ACBD3: variants seen among roughly 807,000 people sequenced by gnomAD.
The protein encoded by ACBD3 is Golgi resident protein GCP60.
Under a neutral mutation model 66.9 loss-of-function variants are expected in ACBD3, and 30 were observed. The ratio of observed to expected loss-of-function variants is 0.45; its 90% CI spans 0.34 to 0.61. ACBD3 has a LOEUF of 0.61. Among genes scored for constraint, ACBD3 ranks in the 20% least tolerant of loss-of-function variants. The pLI, the probability that ACBD3 is intolerant of heterozygous loss-of-function variation, is 0.02. For synonymous variants in ACBD3, 278 were observed against 259.8 expected (o/e 1.07, Z -0.68); for missense variants, 544 against 664.5 (o/e 0.82, Z 1.99).
At chr1:226,163,112 C>T (rs189774101) in intron 3 of ACBD3, among the ~76,000 whole-genome samples, 109 of 152,206 alleles carry the variant, frequency 7.2e-4, no homozygotes, top group Middle Eastern at 3.4e-3. Context: ...CCACTGCACC[C>T]GGCCATGACC....
intron 1 of ACBD3, among the ~76,000 whole-genome samples, chr1:226,169,143 G>A (rs1257252581): frequency 3.9e-5 from 6 of 152,140 alleles, no homozygotes; most frequent in Non-Finnish European, 5.9e-5. Flanking sequence ...GATTACAGGC[G>A]TGAGCCACTG....
chr1:226,154,768 C>A lies in ACBD3; in HGVS notation c.969G>T (p.Val323=). Residue 323 remains valine (V), a synonymous_variant, in exon 6 of 8, where the codon GTG becomes GTT. Coordinates refer to ENST00000366812, the MANE Select transcript of ACBD3 (RefSeq NM_022735.4). The part of the protein sequence containing the change: ...AGSSLPTSSK[V]NATVPSNMMS... ...TCATATTACTTGGTACAGTTGCATTCACTTTTGATGATGTAGGCAAGGAAG... is the reference window on the plus strand; with the variant it reads ...TCATATTACTTGGTACAGTTGCATTAACTTTTGATGATGTAGGCAAGGAAG... The A allele has an allele frequency of 6.2e-7, 1 of 1,613,542 alleles. No individual in the cohort carries two copies. The highest frequency in any genetic ancestry group is 8.5e-7 in the Non-Finnish European group (1 of 1,179,710).
Position 226,165,920 on chromosome 1 carries a change from G to C in ACBD3, c.367C>G (p.Pro123Ala). 1 of 1,613,480 alleles carries C rather than the reference G, an allele frequency of 6.2e-7. No homozygotes were observed. Among genetic ancestry groups the C allele is most frequent in the African/African-American group, 1.3e-5 (1 of 74,956 alleles). Residue 123 changes from proline (P) to alanine (A), a missense_variant, in exon 2 of 8, where the codon CCA (proline) becomes GCA (alanine). By Grantham distance (27) the Pro-to-Ala change is conservative (BLOSUM62 -1). Transcript: ENST00000366812. ...VALHKQVLMGPYNPDTCPEVG... is the reference protein window; with the variant it reads ...VALHKQVLMGAYNPDTCPEVG... ...TCAGGACAAGTGTCTGGATTATATG[G>C]GCCCATAAGAACTTGCTTATGCAGT...
chr1:226,180,961 T>C (rs1367218536), intron 1 of ACBD3, among the ~76,000 whole-genome samples: 1 of 148,622 alleles, frequency 6.7e-6, no homozygotes, highest in Admixed American at 6.8e-5. Context: ...ATCGCGCCAT[T>C]GCACTCCAGC....
At chr1:226,169,237 AG>A (rs201740484) in intron 1 of ACBD3, among the ~76,000 whole-genome samples, 21,023 of 151,066 alleles carry the variant, frequency 0.14, 1,629 homozygotes, top group Middle Eastern at 0.22. Flanking sequence ...TGATTTAGAG[AG>A]TTTTTTTTTA....
rs533244731 is a variant in ACBD3, at chr1:226,158,382, T to C, written c.903+802A>G. ...AGGTATTTTATGCCTGCACAAGATGTAAAAAATGAATGTAAAATTAGTGTC... is the reference window on the plus strand; with the variant it reads ...AGGTATTTTATGCCTGCACAAGATGCAAAAAATGAATGTAAAATTAGTGTC... On this transcript the variant is annotated intron_variant, in intron 5 of 7. Transcript: ENST00000366812. Among the ~76,000 whole-genome samples the C allele has an allele frequency of 1.4e-4, 21 of 152,276 alleles. No homozygotes were observed. The South Asian group carries it at 3.7e-3, about 27-fold the overall frequency.
At chr1:226,147,931 T>G (rs1358545546) in intron 7 of ACBD3, 2 of 152,182 alleles carry the variant, frequency 1.3e-5, no homozygotes, top group Admixed American at 6.6e-5. Context: ...GGTTTATGGT[T>G]GTTGTTTTTG....
At chr1:226,184,858 G>GT (rs1656256948) in intron 1 of ACBD3, among the ~76,000 whole-genome samples, 1 of 147,106 alleles carries the variant, frequency 6.8e-6, no homozygotes, top group Non-Finnish European at 1.5e-5. Flanking sequence ...GAGTACAATG[G>GT]TGCCATCTTG....
intron 4 of ACBD3, among the ~76,000 whole-genome samples, chr1:226,160,750 C>T (rs1659756219): frequency 6.6e-6 from 1 of 152,178 alleles, no homozygotes; most frequent in African/African-American, 2.4e-5. Context: ...TCCTTGTACC[C>T]ACAGCTCCCT....
Position 226,148,796 on chromosome 1 carries a change from C to T in ACBD3, c.1376-1975G>A, listed in dbSNP as rs540460453. On this transcript the variant is annotated intron_variant, in intron 7 of 7. Transcript: ENST00000366812. ...CTTCTACCATATGAAATACAAGACACGGTAGGACAGTAGCTTCTAAGGCAT... is the reference window on the plus strand; with the variant it reads ...CTTCTACCATATGAAATACAAGACATGGTAGGACAGTAGCTTCTAAGGCAT... 6.8e-4 allele frequency among the ~76,000 whole-genome samples: 103 copies of T among 152,282 alleles called. 1 individual carries two copies. In the Middle Eastern group the frequency reaches 0.037, roughly 55 times the overall value.
At chr1:226,182,003 G>A (rs540575051) in intron 1 of ACBD3, among the ~76,000 whole-genome samples, 1 of 152,188 alleles carries the variant, frequency 6.6e-6, no homozygotes, top group South Asian at 2.1e-4. Context: ...GGCCAAGGCG[G>A]GTGAATCGCT....
intron 1 of ACBD3, among the ~76,000 whole-genome samples, chr1:226,166,707 G>A (rs762658719): frequency 3.3e-5 from 5 of 151,910 alleles, no homozygotes; most frequent in African/African-American, 9.7e-5. Flanking sequence ...GGCTGGTCTC[G>A]GACTCCTGAG....
In ACBD3 at chr1:226,145,635, G is replaced by C. The variant is rs555472552; in HGVS notation, c.*975C>G. The C allele has an allele frequency of 6.6e-6, 1 of 152,580 alleles. No homozygotes were observed. Among genetic ancestry groups the C allele is most frequent in the Admixed American group, 6.5e-5 (1 of 15,280 alleles). The allele number at this position is 152,580 out of a possible 1,614,324, so 9.5% of individuals were successfully genotyped here. On this transcript the variant is annotated 3_prime_UTR_variant, in exon 8 of 8. Transcript: ENST00000366812. ...CAAACTGGAATAATGTGGGGTTTGT[G>C]ACTAAGTAGTAACAAATTAAAAGAA...
intron 1 of ACBD3, among the ~76,000 whole-genome samples, chr1:226,171,053 T>C (rs780596089): frequency 4.6e-5 from 7 of 152,242 alleles, no homozygotes; most frequent in African/African-American, 1.2e-4. Flanking sequence ...GCTGGGATTA[T>C]AGACACGAGC....
intron 5 of ACBD3, 146 bp downstream of exon 5, chr1:226,159,038 G>A (rs1659723865): frequency 1.2e-6 from 1 of 850,508 alleles, no homozygotes; most frequent in African/African-American, 1.7e-5. Flanking sequence ...CAATTCTCAA[G>A]TCTGCCTAAA....
chr1:226,160,506 G>A (rs981131863), intron 4 of ACBD3, among the ~76,000 whole-genome samples: 17 of 152,146 alleles, frequency 1.1e-4, no homozygotes, highest in Admixed American at 9.2e-4. Context: ...CACAACATTC[G>A]ATCCACCTAG....
At chr1:226,160,184 T>C (rs950766253) in intron 4 of ACBD3, among the ~76,000 whole-genome samples, 1 of 151,544 alleles carries the variant, frequency 6.6e-6, no homozygotes, top group Non-Finnish European at 1.5e-5. Flanking sequence ...CTCCACTTCC[T>C]AGGTTCAAGC....
rs188141295 is a variant in ACBD3 at position 226,159,112 on chromosome 1, T to C, written c.903+72A>G. 1.1e-3 allele frequency: 1,726 copies of C among 1,552,618 alleles called. 2 individuals carry two copies. Among genetic ancestry groups the C allele is most frequent in the South Asian group, 3.5e-3 (296 of 84,108 alleles). The stretch of plus-strand genomic sequence containing the variant: ...TAATGCAAAATTCATTTGCGACTGT[T>C]AAAAAAGAACTTGGGTTCCAATGAA... On this transcript the variant is annotated intron_variant, in intron 5 of 7. Transcript: ENST00000366812.
chr1:226,152,197 A>C, intron 7 of ACBD3, 138 bp downstream of exon 7: 1 of 1,200,172 alleles, frequency 8.3e-7, no homozygotes, highest in Non-Finnish European at 1.2e-6. Flanking sequence ...TTTCAGCCCA[A>C]GGTCCCACTA....
Sources: gnomAD v4.1 joint callset for allele counts (sites outside exome capture counted in the v4.1 genomes callset) on GRCh38, gnomAD v4.1.1 for gene constraint, MANE v1.5 for transcripts, NCBI Gene and HGNC (gene_info 2026-07-23, HGNC 2026-07-21) for gene names.